The following NME8 variants were observed in gnomAD, a reference collection of about 807,000 sequenced individuals.
The protein encoded by NME8 is protein NME8.
A neutral mutation model predicts 82.3 loss-of-function variants in NME8; 72 were observed. That is an observed-to-expected ratio of 0.87 (90% CI 0.72 to 1.06). NME8 has a LOEUF of 1.06. NME8 is among the 50% of genes least tolerant of loss of function. The probability of loss-of-function intolerance (pLI) is 0.00; values close to 1 mark genes in which losing one functional copy is unlikely to be tolerated. For synonymous variants in NME8, 267 were observed against 228.5 expected (o/e 1.17, Z -1.52); for missense variants, 712 against 685.4 (o/e 1.04, Z -0.43).
intron 7 of NME8, 137 bp from the exon 8 acceptor site, chr7:37,863,259 A>T (rs1784625463): frequency 1.6e-6 from 1 of 631,840 alleles, no homozygotes; most frequent in African/African-American, 1.8e-5. Flanking sequence ...AATGTTAGAT[A>T]AGTTCAGGAA....
intron 12 of NME8, among the ~76,000 whole-genome samples, chr7:37,883,762 A>G (rs1368573094): frequency 6.6e-6 from 1 of 152,224 alleles, no homozygotes; most frequent in Non-Finnish European, 1.5e-5. Context: ...TCTGTAAGGA[A>G]GGATGGAGGT....
At position 37,865,513 on chromosome 7, in the gene NME8, C is replaced by G; in HGVS notation, c.529-12C>G. ...CACGACACCTGGATTTGACCTTACTCTCTAATTGAAGATTACCAAAGCTGG... is the reference window on the plus strand; with the variant it reads ...CACGACACCTGGATTTGACCTTACTGTCTAATTGAAGATTACCAAAGCTGG... On this transcript the variant is annotated splice_polypyrimidine_tract_variant and intron_variant, in intron 9 of 17. Coordinates refer to ENST00000199447, the MANE Select transcript of NME8 (RefSeq NM_016616.5). 1 of 1,586,798 alleles carries G rather than the reference C, an allele frequency of 6.3e-7. No homozygotes were observed. The highest frequency in any genetic ancestry group is 8.7e-7 in the Non-Finnish European group (1 of 1,155,330).
rs981731927 is a variant in NME8, at chr7:37,850,278, A to G, written c.12A>G (p.Lys4=). The change falls in exon 3 of 18, where the codon AAA becomes AAG. Residue 4 remains lysine, a synonymous_variant. Transcript: ENST00000199447. ...ATGATAGTAGATAAATGGCAAGCAA[A>G]AAACGAGAAGTCCAGTTACAGGTGG... MAS[K]KREVQLQTVI... The G allele has an allele frequency of 1.2e-6, 2 of 1,614,084 alleles. No homozygotes were observed. Among genetic ancestry groups the G allele is most frequent in the Non-Finnish European group, 1.7e-6 (2 of 1,180,006 alleles).
intron 2 of NME8, 120 bp downstream of exon 2, chr7:37,849,176 G>GC (rs1453651430): frequency 6.6e-6 from 1 of 152,170 alleles, no homozygotes; most frequent in African/African-American, 2.4e-5. Context: ...GTTCTACACC[G>GC]CCCCTGATAC....
chr7:37,867,854 C>A lies in NME8; in HGVS notation c.774C>A (p.Val258=). ...AACGATCTGAGGATCAACCTGAGGTCGAAGCCCAGGTTACACCTGGAATGA... is the reference window on the plus strand; with the variant it reads ...AACGATCTGAGGATCAACCTGAGGTAGAAGCCCAGGTTACACCTGGAATGA... The part of the protein sequence containing the change: ...PNERSEDQPE[V]EAQVTPGMMK... Residue 258 remains valine, a synonymous_variant, in exon 11 of 18, where the codon GTC becomes GTA. Transcript: ENST00000199447. 1 of 1,613,750 alleles carries A rather than the reference C, an allele frequency of 6.2e-7. No homozygotes were observed. Among genetic ancestry groups the A allele is most frequent in the South Asian group, 1.1e-5 (1 of 91,050 alleles).
At chr7:37,857,041 GT>G (rs1784521803) in intron 5 of NME8, among the ~76,000 whole-genome samples, 1 of 152,164 alleles carries the variant, frequency 6.6e-6, no homozygotes, top group African/African-American at 2.4e-5. Context: ...GAGTAAATAA[GT>G]TTGGCTAAAG....
At chr7:37,877,126 A>C in intron 12 of NME8, 119 bp downstream of exon 12, 1 of 798,584 alleles carries the variant, frequency 1.3e-6, no homozygotes, top group East Asian at 2.7e-5. Flanking sequence ...AACGCACCTT[A>C]AGAAATTAAT....
At chr7:37,881,699 T>A (rs1221704456) in intron 12 of NME8, among the ~76,000 whole-genome samples, 2 of 152,226 alleles carry the variant, frequency 1.3e-5, no homozygotes, top group Non-Finnish European at 2.9e-5. Flanking sequence ...TTCTATTTGC[T>A]GAAAAAAATA....
intron 7 of NME8, among the ~76,000 whole-genome samples, chr7:37,862,884 C>T (rs546816437): frequency 1.3e-3 from 199 of 152,168 alleles, no homozygotes; most frequent in African/African-American, 4.6e-3. Context: ...CTTCGGGAGG[C>T]CAAGGAGGGC....
intron 10 of NME8, among the ~76,000 whole-genome samples, chr7:37,866,622 T>A (rs1784685922): frequency 6.6e-6 from 1 of 152,198 alleles, no homozygotes; most frequent in African/African-American, 2.4e-5. Context: ...TCCTACTAGC[T>A]TTGAACTTCT....
chr7:37,861,432 G>T (rs999167694), intron 6 of NME8, among the ~76,000 whole-genome samples: 1 of 151,992 alleles, frequency 6.6e-6, no homozygotes, highest in Non-Finnish European at 1.5e-5. Context: ...AGTACCTTTC[G>T]TGATCTCTTT....
rs1422764547 is a variant in NME8 at position 37,894,577 on chromosome 7, A to G, written c.1511A>G (p.Asp504Gly). ...ATTTATCCAAAAGTAACAGGAAAAG[A>G]CTTTTATAAAGATTTATTGGAAATG... is the stretch of plus-strand genomic sequence containing the variant. Reference protein sequence around the residue: ...EKIYPKVTGKDFYKDLLEMLS... With the variant: ...EKIYPKVTGKGFYKDLLEMLS... Residue 504 changes from aspartate to glycine, a missense_variant, in exon 16 of 18, where the codon GAC becomes GGC. Asp to Gly is a moderately conservative substitution (Grantham distance 94). Coordinates refer to ENST00000199447, the MANE Select transcript of NME8 (RefSeq NM_016616.5). The G allele has an allele frequency of 1.3e-6, 2 of 1,598,186 alleles. No individual in the cohort carries two copies. The highest frequency in any genetic ancestry group is 2.2e-5 in the East Asian group (1 of 44,720).
chr7:37,849,886 A>AC (rs60904487), intron 2 of NME8, among the ~76,000 whole-genome samples: 268 of 150,246 alleles, frequency 1.8e-3, no homozygotes, highest in African/African-American at 5.1e-3. Context: ...AAAAAAAAAA[A>AC]AAAAGAACAA....
chr7:37,858,768 G>A (rs1222672476), intron 6 of NME8, among the ~76,000 whole-genome samples: 1 of 152,132 alleles, frequency 6.6e-6, no homozygotes, highest in Non-Finnish European at 1.5e-5. Context: ...ATATAGTTTG[G>A]ATATTTGTTT....
rs746977894 is a variant in NME8, at chr7:37,894,470, G to GATCC, written c.1405_1408dup (p.Leu470HisfsTer6). ...TCAAATATTTGTTTTTCTTAGAGCA[G>GATCC]ATCCTGAAGATAGTTAAGGAGGCTG... On this transcript the variant is annotated frameshift_variant, in exon 16 of 18. Coordinates refer to ENST00000199447, the MANE Select transcript of NME8 (RefSeq NM_016616.5). LOFTEE classifies it high-confidence loss of function. The GATCC allele has an allele frequency of 5.6e-6, 9 of 1,612,688 alleles. No homozygotes were observed. In the South Asian group the frequency reaches 9.9e-5, roughly 18 times the overall value.
In NME8 at chr7:37,848,833, G is replaced by A. The variant is rs1034382047; in HGVS notation, c.-231G>A. On this transcript the variant is annotated 5_prime_UTR_variant, in exon 2 of 18. Coordinates refer to ENST00000199447, the MANE Select transcript of NME8 (RefSeq NM_016616.5). ...CCCTTCTTCTTCCCAGACAGGCAGG[G>A]AATCCCTCTTCTTCCTTTTGCTGAA... The A allele has an allele frequency of 5.3e-5, 8 of 152,290 alleles. 1 individual carries two copies. The highest frequency in any genetic ancestry group is 1.9e-4 in the African/African-American group (8 of 41,442). The allele number at this position is 152,290 out of a possible 1,614,324, so 9.4% of individuals were successfully genotyped here. A position where few individuals can be genotyped will look rare whatever the true frequency, so the allele number is the denominator to read the frequency against.
At position 37,885,160 on chromosome 7, in the gene NME8, C is replaced by T. The variant is rs746715021; in HGVS notation, c.1155C>T (p.Ala385=). ...IENMTSGPSL[A]LVLLRDNGLQ... ...TTTCTAATAGTGGTCCATCTCTAGC[C>T]CTTGTTTTATTGAGAGACAATGGCT... The change falls in exon 14 of 18, where the codon GCC becomes GCT. Residue 385 remains alanine (A), a synonymous_variant. Transcript: ENST00000199447. The T allele has an allele frequency of 6.2e-7, 1 of 1,611,264 alleles. No individual in the cohort carries two copies. The highest frequency in any genetic ancestry group is 1.1e-5 in the South Asian group (1 of 90,996).
intron 11 of NME8, among the ~76,000 whole-genome samples, chr7:37,869,799 C>A (rs1447815879): frequency 6.6e-6 from 1 of 152,004 alleles, no homozygotes; most frequent in Non-Finnish European, 1.5e-5. Flanking sequence ...TTGGTGTGCT[C>A]GGGCTCAGAA....
chr7:37,865,464 C>A, intron 9 of NME8, 61 bp from the exon 10 acceptor site: 1 of 1,202,814 alleles, frequency 8.3e-7, no homozygotes, highest in South Asian at 1.2e-5. Context: ...AAAAAACAAA[C>A]TTAACTTGTT....
Sources: gnomAD v4.1 joint callset for allele counts (sites outside exome capture counted in the v4.1 genomes callset) on GRCh38, gnomAD v4.1.1 for gene constraint, MANE v1.5 for transcripts, NCBI Gene and HGNC (gene_info 2026-07-23, HGNC 2026-07-21) for gene names.